The following FBXO34 variants were observed in gnomAD, a reference collection of about 807,000 sequenced individuals.
FBXO34 encodes F-box only protein 34.
Under a neutral mutation model 24.5 loss-of-function variants are expected in FBXO34, and 12 were observed. That is an observed-to-expected ratio of 0.49 (90% CI 0.31 to 0.79). FBXO34 has a LOEUF of 0.79. Among genes scored for constraint, FBXO34 ranks in the 30% least tolerant of loss-of-function variants. The pLI, the probability that FBXO34 is intolerant of heterozygous loss-of-function variation, is 0.04. For synonymous variants in FBXO34, 320 were observed against 311.9 expected (o/e 1.03, Z -0.27); for missense variants, 823 against 857.7 (o/e 0.96, Z 0.51).
downstream of FBXO34, chr14:55,369,573 G>A: frequency 6.9e-7 from 1 of 1,438,998 alleles, no homozygotes; most frequent in Non-Finnish European, 9.3e-7. Flanking sequence ...TGTAGTGGGA[G>A]AAGAACTTTC....
intron 1 of FBXO34, among the ~76,000 whole-genome samples, chr14:55,337,101 G>A (rs1053488993): frequency 2.6e-5 from 4 of 151,710 alleles, no homozygotes; most frequent in Admixed American, 1.3e-4. Context: ...AGCCTCCTGA[G>A]TAGCTGGGAC....
chr14:55,355,966 A>G (rs1000971283), downstream of FBXO34, among the ~76,000 whole-genome samples: 3 of 151,718 alleles, frequency 2.0e-5, no homozygotes, highest in East Asian at 1.9e-4. Context: ...CTTGGTGGAA[A>G]CTCCCACTGC....
downstream of FBXO34, among the ~76,000 whole-genome samples, chr14:55,354,846 T>C (rs562771171): frequency 8.5e-5 from 13 of 152,174 alleles, no homozygotes; most frequent in East Asian, 2.3e-3. Context: ...TTAAAATGTC[T>C]CCAGTAGTGT....
the FBXO34 span, among the ~76,000 whole-genome samples, chr14:55,387,953 C>T: frequency 6.6e-6 from 1 of 152,280 alleles, no homozygotes; most frequent in African/African-American, 2.4e-5. Flanking sequence ...TGAGCCACTG[C>T]ACCTGGCCAA....
intron 1 of FBXO34, among the ~76,000 whole-genome samples, chr14:55,280,527 C>CTTTT (rs77678519): frequency 0.16 from 20,296 of 125,452 alleles, 5,725 homozygotes; most frequent in African/African-American, 0.56. Context: ...ATATCAGGAA[C>CTTTT]TTTTTTTTTT....
chr14:55,304,821 A>G (rs954235767), intron 1 of FBXO34, among the ~76,000 whole-genome samples: 1 of 152,130 alleles, frequency 6.6e-6, no homozygotes, highest in Non-Finnish European at 1.5e-5. Context: ...TTTTATTGTA[A>G]TAATCTTTCT....
In FBXO34 at chr14:55,350,632, G is replaced by C. The variant is rs1383451812; in HGVS notation, c.242G>C (p.Ser81Thr). 6.2e-7 allele frequency: 1 copy of C among 1,613,236 alleles called. No individual in the cohort carries two copies. Among genetic ancestry groups the C allele is most frequent in the Non-Finnish European group, 8.5e-7 (1 of 1,179,764 alleles). ...CSMSGKSPVE[S>T]SLNVKTKKNA... The stretch of plus-strand genomic sequence containing the variant: ...ATGAGTGGGAAGAGTCCTGTAGAGA[G>C]CAGCTTGAATGTTAAAACCAAAAAG... Residue 81 changes from serine to threonine, a missense_variant, in exon 2 of 2, where the codon AGC becomes ACC. By Grantham distance (58) the Ser-to-Thr change is moderately conservative (BLOSUM62 1). Around this residue, in one of 2 missense-constraint regions of FBXO34, gnomAD observed 693 missense variants for 659.1 expected, o/e 1.05. Transcript: ENST00000313833.
downstream of FBXO34, chr14:55,369,968 C>G: frequency 1.3e-6 from 2 of 1,525,322 alleles, no homozygotes; most frequent in Non-Finnish European, 8.8e-7. Context: ...AACAACCATT[C>G]TCAACACCAG....
At chr14:55,371,199 T>C (rs558030585), downstream of FBXO34, among the ~76,000 whole-genome samples, 1 of 152,260 alleles carries the variant, frequency 6.6e-6, no homozygotes, top group South Asian at 2.1e-4. Context: ...TCGAAATAAA[T>C]AGCAGGCAGA....
rs1308681394 is a variant in FBXO34, at chr14:55,352,431, G to C, written c.2041G>C (p.Gly681Arg). The change falls in exon 2 of 2, where the codon GGG becomes CGG. Residue 681 changes from glycine (G) to arginine (R), a missense_variant. This residue lies in a region of FBXO34 where 130 missense variants were observed against 198.6 expected (regional missense o/e 0.65). Coordinates refer to ENST00000313833, the MANE Select transcript of FBXO34 (RefSeq NM_017943.4). ...SQKGFPGCKL[G>R]LHDNHWVPAC... is the part of the protein sequence containing the mutation. ...GAAAGGATTCCCTGGCTGTAAGCTG[G>C]GGCTTCATGACAATCACTGGGTTCC... 6.2e-7 allele frequency: 1 copy of C among 1,614,090 alleles called. No individual in the cohort carries two copies. Among genetic ancestry groups the C allele is most frequent in the Non-Finnish European group, 8.5e-7 (1 of 1,180,040 alleles).
intron 1 of FBXO34, among the ~76,000 whole-genome samples, chr14:55,316,977 C>T (rs536171311): frequency 1.2e-4 from 18 of 152,232 alleles, no homozygotes; most frequent in Non-Finnish European, 2.1e-4. Context: ...TATGCAAGTA[C>T]GGCTTATCAA....
At chr14:55,290,204 G>A (rs1881897915) in intron 1 of FBXO34, among the ~76,000 whole-genome samples, 1 of 151,928 alleles carries the variant, frequency 6.6e-6, no homozygotes, top group Non-Finnish European at 1.5e-5. Context: ...GACCAGCCTG[G>A]CCAACATGGT....
At chr14:55,354,243 T>G (rs1050802362), downstream of FBXO34, among the ~76,000 whole-genome samples, 3 of 152,352 alleles carry the variant, frequency 2.0e-5, no homozygotes, top group South Asian at 6.2e-4. Context: ...GGAAAATGCT[T>G]CTAAATCCTA....
At chr14:55,397,408 C>T in the FBXO34 span, 18 of 1,613,418 alleles carry the variant, frequency 1.1e-5, no homozygotes, top group African/African-American at 2.4e-4. Context: ...CTTAAGTCGG[C>T]TTAACCTTTC....
the FBXO34 span, among the ~76,000 whole-genome samples, chr14:55,402,440 AAC>A: frequency 2.6e-5 from 4 of 152,206 alleles, no homozygotes; most frequent in African/African-American, 9.6e-5. Context: ...CTAAGAAAAT[AAC>A]AGAGATGAGG....
the FBXO34 span, among the ~76,000 whole-genome samples, chr14:55,425,011 A>C: frequency 2.6e-5 from 4 of 152,232 alleles, no homozygotes; most frequent in Non-Finnish European, 5.9e-5. Context: ...ATAAGAAAAA[A>C]AGACATCCAA....
intron 1 of FBXO34, among the ~76,000 whole-genome samples, chr14:55,286,800 G>C (rs377377664): frequency 6.6e-6 from 1 of 151,452 alleles, no homozygotes; most frequent in East Asian, 1.9e-4. Context: ...AAGTGGTTTG[G>C]ATTTTGGATT....
At chr14:55,372,576 A>C, downstream of FBXO34, among the ~76,000 whole-genome samples, 6 of 138,020 alleles carry the variant, frequency 4.3e-5, no homozygotes, top group African/African-American at 8.2e-5. Context: ...CCTTCTTTCC[A>C]TCCTTTCTTC....
At chr14:55,356,156 C>T (rs60621807), downstream of FBXO34, among the ~76,000 whole-genome samples, 3 of 152,300 alleles carry the variant, frequency 2.0e-5, no homozygotes, top group East Asian at 3.9e-4. Context: ...TCAGTACCTT[C>T]GTGCCAACCT....
Sources: gnomAD v4.1 joint callset for allele counts (sites outside exome capture counted in the v4.1 genomes callset) on GRCh38, gnomAD v4.1.1 for gene constraint, gnomAD v4.1.1 regional missense constraint, MANE v1.5 for transcripts, NCBI Gene and HGNC (gene_info 2026-07-23, HGNC 2026-07-21) for gene names.